Variants in ERMP1 observed in about 807,000 individuals in gnomAD.
The protein encoded by ERMP1 is Felix-ina.
ERMP1 carries 86 observed loss-of-function variants against 92.0 expected under a neutral mutation model. The ratio of observed to expected loss-of-function variants is 0.93; its 90% CI spans 0.79 to 1.12. The LOEUF is 1.12. ERMP1 is among the 50% of genes most tolerant of loss of function. The pLI is 0.00. For missense variants in ERMP1, 1,342 were observed against 1,116.3 expected, an observed-to-expected ratio of 1.20 and a Z score of -2.88; for synonymous variants, 530 against 412.8, an observed-to-expected ratio of 1.28 and a Z score of -3.44.
At chr9:5,797,760 A>T in intron 13 of ERMP1, 57 bp downstream of exon 13, 1 of 1,029,342 alleles carries the variant, frequency 9.7e-7, no homozygotes, top group Non-Finnish European at 1.5e-6. Flanking sequence ...CATACATGCC[A>T]CTTATTAACA....
intron 4 of ERMP1, among the ~76,000 whole-genome samples, chr9:5,817,016 A>T (rs1464085608): frequency 1.3e-5 from 2 of 150,548 alleles, no homozygotes; most frequent in Non-Finnish European, 2.9e-5. Context: ...CTCCTGCCTC[A>T]GCCTCCCAAG....
intron 6 of ERMP1, among the ~76,000 whole-genome samples, chr9:5,840,446 G>C (rs904875298): frequency 6.6e-6 from 1 of 152,122 alleles, no homozygotes; most frequent in Non-Finnish European, 1.5e-5. Context: ...TGATGATCCT[G>C]GGCCAGATCA....
chr9:5,824,292 G>T (rs186366351), intron 3 of ERMP1, among the ~76,000 whole-genome samples: 26 of 152,266 alleles, frequency 1.7e-4, no homozygotes, highest in Admixed American at 1.7e-3. Flanking sequence ...AGGCAAAGAG[G>T]GCCAGGCACG....
rs1828846895 is a variant in ERMP1 at position 5,805,749 on chromosome 9, C to A, written c.1585G>T (p.Asp529Tyr). 1 of 1,607,916 alleles carries A rather than the reference C, an allele frequency of 6.2e-7. No homozygotes were observed. Among genetic ancestry groups the A allele is most frequent in the Non-Finnish European group, 8.5e-7 (1 of 1,178,200 alleles). ...SAQYLGEVFF[D>Y]ISLFVHCCFL... ...CAGCAATGGACAAACAGCGAAATGT[C>A]AAAAAATACTTCTCCCAGATACTGG... The change falls in exon 9 of 15, where the codon GAC becomes TAC. Residue 529 changes from aspartate (D) to tyrosine (Y), a missense_variant. Transcript: ENST00000339450.
At chr9:5,795,176 C>T (rs1828365210) in intron 13 of ERMP1, among the ~76,000 whole-genome samples, 1 of 152,032 alleles carries the variant, frequency 6.6e-6, no homozygotes, top group African/African-American at 2.4e-5. Context: ...GCAGGAAAAG[C>T]AACTGACAAA....
intron 5 of ERMP1, among the ~76,000 whole-genome samples, chr9:5,864,516 C>T (rs1830593971): frequency 6.6e-6 from 1 of 152,138 alleles, no homozygotes; most frequent in South Asian, 2.1e-4. Context: ...AACCTCACCC[C>T]CGTGGGGAGG....
At position 5,819,180 on chromosome 9, in the gene ERMP1, G is replaced by A. The variant is rs145120834; in HGVS notation, c.874+4716C>T. ...GGAAACAATCCAAATATCCATCGAT[G>A]GATGAATGGATAAACGAAACATAAT... On this transcript the variant is annotated intron_variant, in intron 4 of 14. Transcript: ENST00000339450. 2.1e-3 allele frequency among the ~76,000 whole-genome samples: 319 copies of A among 152,214 alleles called. 2 individuals carry two copies. Among genetic ancestry groups the A allele is most frequent in the African/African-American group, 7.3e-3 (304 of 41,524 alleles).
At chr9:5,834,975 A>G (rs375160083), upstream of ERMP1, among the ~76,000 whole-genome samples, 3,376 of 43,652 alleles carry the variant, frequency 0.077, 103 homozygotes, top group Non-Finnish European at 0.11. Flanking sequence ...ATGGATAGAT[A>G]GATGTGTGTG....
chr9:5,850,873 G>C (rs1279814418), intron 6 of ERMP1, among the ~76,000 whole-genome samples: 1 of 152,130 alleles, frequency 6.6e-6, no homozygotes, highest in Non-Finnish European at 1.5e-5. Context: ...TGCAAGCTCT[G>C]AGGAGGTAGG....
At chr9:5,859,590 A>G (rs991572098) in exon 6 of ERMP1, among the ~76,000 whole-genome samples, 1 of 152,180 alleles carries the variant, frequency 6.6e-6, no homozygotes, top group Non-Finnish European at 1.5e-5. Context: ...AATGAGAAAG[A>G]CCTGTGATCA....
At chr9:5,823,271 T>C (rs932263939) in intron 4 of ERMP1, among the ~76,000 whole-genome samples, 2 of 152,140 alleles carry the variant, frequency 1.3e-5, no homozygotes, top group African/African-American at 4.8e-5. Flanking sequence ...AGCATGGCTC[T>C]GTCTCTAAAA....
intron 13 of ERMP1, chr9:5,791,235 T>C: frequency 2.2e-6 from 1 of 456,858 alleles, no homozygotes; most frequent in South Asian, 1.5e-5. Flanking sequence ...CTGGCTTACA[T>C]GATTGTTGAG....
At chr9:5,836,952 G>C (rs900838369), upstream of ERMP1, among the ~76,000 whole-genome samples, 1 of 152,112 alleles carries the variant, frequency 6.6e-6, no homozygotes, top group South Asian at 2.1e-4. Context: ...TTCTGGGCTG[G>C]TCCCCTGTGT....
chr9:5,822,568 G>A (rs1260447643), intron 4 of ERMP1, among the ~76,000 whole-genome samples: 1 of 152,132 alleles, frequency 6.6e-6, no homozygotes, highest in East Asian at 1.9e-4. Context: ...ATAAAATCAG[G>A]TCTTAAGAGG....
intron 4 of ERMP1, among the ~76,000 whole-genome samples, chr9:5,814,645 G>C (rs569697706): frequency 6.6e-6 from 1 of 152,160 alleles, no homozygotes; most frequent in East Asian, 1.9e-4. Flanking sequence ...CAGGAGAATT[G>C]CTTAGACCTG....
chr9:5,822,124 T>C (rs1829564528), intron 4 of ERMP1, among the ~76,000 whole-genome samples: 1 of 152,154 alleles, frequency 6.6e-6, no homozygotes, highest in African/African-American at 2.4e-5. Flanking sequence ...TGGTGGTATA[T>C]GCCTGTAGTC....
chr9:5,824,950 C>T, intron 3 of ERMP1, 142 bp downstream of exon 3: 3 of 743,560 alleles, frequency 4.0e-6, no homozygotes, highest in East Asian at 2.9e-5. Flanking sequence ...AAGTACTGCT[C>T]ATAAAGTATT....
chr9:5,810,908 A>T (rs1368365920), intron 7 of ERMP1, among the ~76,000 whole-genome samples: 1 of 152,234 alleles, frequency 6.6e-6, no homozygotes, highest in African/African-American at 2.4e-5. Context: ...TGGAGTGCCT[A>T]AATATATAAA....
intron 3 of ERMP1, 39 bp downstream of exon 3, chr9:5,825,053 C>T (rs775844760): frequency 6.3e-7 from 1 of 1,595,610 alleles, no homozygotes; most frequent in South Asian, 1.1e-5. Flanking sequence ...TTAATCTCAT[C>T]CTTATTCAAG....
Sources: gnomAD v4.1 joint callset for allele counts (sites outside exome capture counted in the v4.1 genomes callset) on GRCh38, gnomAD v4.1.1 for gene constraint, MANE v1.5 for transcripts, NCBI Gene and HGNC (gene_info 2026-07-23, HGNC 2026-07-21) for gene names.